ZNF438: variants seen among roughly 807,000 people sequenced by gnomAD.
ZNF438 encodes the protein zinc finger protein 438.
ZNF438 carries 25 observed loss-of-function variants against 38.0 expected under a neutral mutation model. The observed-to-expected ratio is 0.66, with a 90% CI of 0.48 to 0.92. The LOEUF (loss-of-function observed/expected upper bound fraction) is 0.92. ZNF438 is among the 40% of genes least tolerant of loss of function. The pLI is 0.00. For synonymous variants in ZNF438, 372 were observed against 364.1 expected (o/e 1.02, Z -0.25); for missense variants, 1,007 against 999.6 (o/e 1.01, Z -0.10).
intron 1 of ZNF438, among the ~76,000 whole-genome samples, chr10:31,023,951 C>T (rs2056776163): frequency 6.6e-6 from 1 of 152,238 alleles, no homozygotes; most frequent in Non-Finnish European, 1.5e-5. Context: ...CTGTCTTCTG[C>T]AAGCACGGTT....
intron 1 of ZNF438, among the ~76,000 whole-genome samples, chr10:31,025,652 T>C (rs1002062114): frequency 6.6e-5 from 10 of 152,230 alleles, no homozygotes; most frequent in African/African-American, 9.6e-5. Context: ...TTGCTTACTA[T>C]TCCCTAAGAA....
At chr10:30,943,363 G>A (rs1390953352) in intron 1 of ZNF438, among the ~76,000 whole-genome samples, 5 of 152,038 alleles carry the variant, frequency 3.3e-5, no homozygotes, top group Non-Finnish European at 5.9e-5. Context: ...TTGAGACAGA[G>A]GGAAAGGGAG....
intron 1 of ZNF438, among the ~76,000 whole-genome samples, chr10:30,977,667 T>C (rs2051540113): frequency 6.6e-6 from 1 of 152,102 alleles, no homozygotes; most frequent in African/African-American, 2.4e-5. Context: ...AGCTAAACTC[T>C]AGGGGATCCA....
intron 5 of ZNF438, 47 bp downstream of exon 6, chr10:30,848,484 A>C (rs372834094): frequency 5.9e-5 from 92 of 1,559,262 alleles, no homozygotes; most frequent in Non-Finnish European, 7.1e-5. Context: ...CTCTTCCCCA[A>C]ATCAAAACAG....
chr10:30,851,046 A>G (rs2033528648), intron 4 of ZNF438, among the ~76,000 whole-genome samples: 1 of 152,224 alleles, frequency 6.6e-6, no homozygotes, highest in South Asian at 2.1e-4. Context: ...CAAACTGTTT[A>G]TGTGTGCTTT....
chr10:30,963,782 G>A (rs563611627), intron 1 of ZNF438, among the ~76,000 whole-genome samples: 1 of 152,164 alleles, frequency 6.6e-6, no homozygotes, highest in South Asian at 2.1e-4. Context: ...TCGGGAGGCT[G>A]AGGCAGAAGA....
At chr10:30,889,665 C>T (rs547052131) in intron 3 of ZNF438, among the ~76,000 whole-genome samples, 1 of 152,310 alleles carries the variant, frequency 6.6e-6, no homozygotes, top group African/African-American at 2.4e-5. Context: ...CTCGGCCTCC[C>T]GAAGTGCTAG....
rs146244518 is a variant in ZNF438 at position 31,026,075 on chromosome 10, T to C, written c.-192+5758A>G. Among the ~76,000 whole-genome samples the C allele has an allele frequency of 5.8e-3, 882 of 152,292 alleles. 9 individuals carry two copies. The highest frequency in any genetic ancestry group is 0.02 in the African/African-American group (851 of 41,544). ...AACTGGATTCCTTCCTTACACTTTA[T>C]ACCAAAATTAATTCAAGATGGATTA... On this transcript the variant is annotated intron_variant, in intron 1 of 5. Coordinates refer to ENST00000413025, the Ensembl canonical transcript of ZNF438.
intron 1 of ZNF438, among the ~76,000 whole-genome samples, chr10:31,000,254 T>A (rs1199235281): frequency 1.3e-5 from 2 of 152,174 alleles, no homozygotes; most frequent in African/African-American, 4.8e-5. Context: ...GACATCACCA[T>A]CTAGCCAGCG....
chr10:30,901,502 G>A (rs2041978385), intron 3 of ZNF438, among the ~76,000 whole-genome samples: 2 of 152,174 alleles, frequency 1.3e-5, no homozygotes, highest in African/African-American at 2.4e-5. Flanking sequence ...TCTTTAGTCC[G>A]GGGGCCATGC....
chr10:30,992,776 C>T (rs1018145009), intron 1 of ZNF438, among the ~76,000 whole-genome samples: 10 of 152,158 alleles, frequency 6.6e-5, no homozygotes, highest in Non-Finnish European at 1.5e-4. Flanking sequence ...ATGTAAAGGT[C>T]ATTCTGAAGA....
intron 4 of ZNF438, among the ~76,000 whole-genome samples, chr10:30,861,817 T>C (rs575429522): frequency 1.3e-5 from 2 of 152,306 alleles, no homozygotes; most frequent in African/African-American, 2.4e-5. Context: ...CAAAAATAAT[T>C]TGTAGCACGC....
rs78368645 is a variant in ZNF438 at position 30,981,118 on chromosome 10, C to T, written c.-191-39467G>A. Among the ~76,000 whole-genome samples, 99 of 152,272 alleles carry T rather than the reference C, an allele frequency of 6.5e-4. 1 individual carries two copies. The highest frequency in any genetic ancestry group is 6.8e-3 in the Middle Eastern group (2 of 294). On this transcript the variant is annotated intron_variant, in intron 1 of 5. Coordinates refer to ENST00000413025, the Ensembl canonical transcript of ZNF438. ...GGAGGCACGTGGAGAGCATGTTCCC[C>T]AGAGCTGCCAAAAGTTCTTGGCATA...
intron 1 of ZNF438, among the ~76,000 whole-genome samples, chr10:30,983,996 T>C (rs2052502090): frequency 1.3e-5 from 2 of 152,196 alleles, no homozygotes; most frequent in East Asian, 3.8e-4. Flanking sequence ...ACTTCATTTA[T>C]ATTTCACCTG....
chr10:30,963,439 T>G (rs2049755991), intron 1 of ZNF438, among the ~76,000 whole-genome samples: 1 of 146,802 alleles, frequency 6.8e-6, no homozygotes, highest in African/African-American at 2.5e-5. Context: ...TAATAGAAAC[T>G]CCTATCAAAT....
intron 1 of ZNF438, among the ~76,000 whole-genome samples, chr10:31,020,318 G>A (rs1229739651): frequency 6.6e-6 from 1 of 152,142 alleles, no homozygotes; most frequent in African/African-American, 2.4e-5. Context: ...GCCTAGCTGA[G>A]TGCTCCAGAA....
At chr10:30,997,907 A>G (rs974090659) in intron 1 of ZNF438, among the ~76,000 whole-genome samples, 6 of 152,218 alleles carry the variant, frequency 3.9e-5, no homozygotes, top group African/African-American at 1.4e-4. Context: ...GAATGAAAAG[A>G]CAGAGCCAGA....
intron 1 of ZNF438, among the ~76,000 whole-genome samples, chr10:30,950,476 G>A (rs2048035826): frequency 1.3e-5 from 2 of 150,404 alleles, no homozygotes; most frequent in South Asian, 4.2e-4. Flanking sequence ...TTTTTGAAAG[G>A]ATCAACAAAA....
chr10:30,980,797 G>A (rs776791849), intron 1 of ZNF438, among the ~76,000 whole-genome samples: 5 of 152,182 alleles, frequency 3.3e-5, no homozygotes, highest in Admixed American at 1.3e-4. Context: ...ATAAAGAAGA[G>A]AAGATAGCAA....
Sources: gnomAD v4.1 joint callset for allele counts (sites outside exome capture counted in the v4.1 genomes callset) on GRCh38, gnomAD v4.1.1 for gene constraint, MANE v1.5 for transcripts, NCBI Gene and HGNC (gene_info 2026-07-23, HGNC 2026-07-21) for gene names.